ANKS1B: variants seen among roughly 807,000 people sequenced by gnomAD.
ANKS1B encodes ankyrin repeat and sterile alpha motif domain containing 1B.
A neutral mutation model predicts 148.3 loss-of-function variants in ANKS1B; 36 were observed. The observed-to-expected ratio is 0.24, with a 90% CI of 0.19 to 0.32. The LOEUF is 0.32. ANKS1B is among the 10% of genes least tolerant of loss of function. The probability of loss-of-function intolerance (pLI) is 1.00; values close to 1 mark genes in which losing one functional copy is unlikely to be tolerated. For synonymous variants in ANKS1B, 542 were observed against 560.8 expected (o/e 0.97, Z 0.47); for missense variants, 1,157 against 1,542.6 (o/e 0.75, Z 4.19).
At chr12:99,122,075 G>C (rs530829989) in intron 15 of ANKS1B, among the ~76,000 whole-genome samples, 1 of 152,308 alleles carries the variant, frequency 6.6e-6, no homozygotes, top group African/African-American at 2.4e-5. Context: ...ATGAGGGTTT[G>C]AGTGCCATTT....
Position 99,529,445 on chromosome 12 carries a change from G to A in ANKS1B, c.1273-24804C>T, listed in dbSNP as rs767192500. 8.3e-4 allele frequency among the ~76,000 whole-genome samples: 127 copies of A among 152,304 alleles called. 1 individual carries two copies. Among genetic ancestry groups the A allele is most frequent in the Non-Finnish European group, 1.6e-3 (109 of 68,034 alleles). The stretch of plus-strand genomic sequence containing the variant: ...AGATGGGCCGATCAGCTGAGGTCTG[G>A]AGTTCAAGACCAGCCTGGCCAACAT... On this transcript the variant is annotated intron_variant, in intron 9 of 26. Coordinates refer to ENST00000683438, the MANE Select transcript of ANKS1B (RefSeq NM_001352186.2).
Position 99,698,967 on chromosome 12 carries a change from TGTGTGG to T in ANKS1B, c.1129-43763_1129-43758del, listed in dbSNP as rs931165694. Reference sequence around the variant, plus strand: ...TCTTCCTACTGCTGTTCTGTGTGTGTGTGTGGGTGTGCACGCACGTGCGCAAGCACA... The same window carrying T: ...TCTTCCTACTGCTGTTCTGTGTGTGTGTGTGCACGCACGTGCGCAAGCACA... On this transcript the variant is annotated intron_variant, in intron 8 of 26. Transcript: ENST00000683438. 2.9e-3 allele frequency among the ~76,000 whole-genome samples: 419 copies of T among 142,948 alleles called. 3 individuals carry two copies. Among genetic ancestry groups the T allele is most frequent in the African/African-American group, 0.01 (392 of 38,128 alleles). 93.8% of individuals were successfully genotyped at this position (142,948 alleles called of 152,430 possible). A position where few individuals can be genotyped will look rare whatever the true frequency, so the allele number is the denominator to read the frequency against.
intron 12 of ANKS1B, among the ~76,000 whole-genome samples, chr12:99,387,603 A>AAAAGAAG (rs1555411884): frequency 6.6e-6 from 1 of 151,148 alleles, no homozygotes; most frequent in Admixed American, 6.6e-5. Flanking sequence ...CTCAAAAAAA[A>AAAAGAAG]AAGAAGAAGA....
chr12:98,800,922 A>C (rs1190271864), intron 21 of ANKS1B, 75 bp downstream of exon 21: 1 of 1,491,216 alleles, frequency 6.7e-7, no homozygotes, highest in East Asian at 2.3e-5. Context: ...TATATTTTCA[A>C]TGTAAATGCA....
chr12:99,974,552 C>G (rs1420807552), intron 1 of ANKS1B, among the ~76,000 whole-genome samples: 1 of 152,118 alleles, frequency 6.6e-6, no homozygotes, highest in African/African-American at 2.4e-5. Context: ...TGTCTCCAGT[C>G]AAATCCCTTC....
intron 17 of ANKS1B, among the ~76,000 whole-genome samples, chr12:99,050,858 A>ATTTTTT (rs576571213): frequency 4.2e-5 from 6 of 141,362 alleles, no homozygotes; most frequent in African/African-American, 1.5e-4. Flanking sequence ...CGCCCGGCTA[A>ATTTTTT]TTTTTTTTTT....
At chr12:99,156,931 G>T (rs1044748445) in intron 14 of ANKS1B, among the ~76,000 whole-genome samples, 6 of 152,126 alleles carry the variant, frequency 3.9e-5, no homozygotes, top group Non-Finnish European at 7.4e-5. Flanking sequence ...TTTAAAAAAA[G>T]TTTTAACTCT....
intron 12 of ANKS1B, among the ~76,000 whole-genome samples, chr12:99,334,306 C>A (rs191281465): frequency 2.3e-4 from 35 of 152,088 alleles, no homozygotes; most frequent in Non-Finnish European, 2.9e-5. Flanking sequence ...TCAAGACCCA[C>A]CAGGCCTCGA....
intron 12 of ANKS1B, among the ~76,000 whole-genome samples, chr12:99,262,644 T>A (rs2076040799): frequency 6.6e-6 from 1 of 151,936 alleles, no homozygotes; most frequent in Non-Finnish European, 1.5e-5. Flanking sequence ...TTTCCCCCAA[T>A]GAAAATAAGA....
intron 9 of ANKS1B, among the ~76,000 whole-genome samples, chr12:99,530,078 T>G (rs1162363071): frequency 6.6e-6 from 1 of 152,200 alleles, no homozygotes; most frequent in Non-Finnish European, 1.5e-5. Context: ...ATTGGTGTTG[T>G]AGCACAGAAG....
chr12:99,042,497 C>T (rs2099959717), intron 17 of ANKS1B, among the ~76,000 whole-genome samples: 1 of 152,164 alleles, frequency 6.6e-6, no homozygotes, highest in Admixed American at 6.5e-5. Flanking sequence ...GCCTAAATCG[C>T]TGACCCACAA....
Position 99,636,847 on chromosome 12 carries a change from TA to T in ANKS1B, c.1272+18219del, listed in dbSNP as rs539463430. ...TTCCAAATATGGCATCCACTAGTAA[TA>T]AGAATTTAATGTTTTAAAATACACT... On this transcript the variant is annotated intron_variant, in intron 9 of 26. Transcript: ENST00000683438. Among the ~76,000 whole-genome samples the T allele has an allele frequency of 1.5e-4, 23 of 152,312 alleles. No homozygotes were observed. In the South Asian group the frequency reaches 4.8e-3, roughly 32 times the overall value.
chr12:98,920,039 A>G (rs962462842), intron 17 of ANKS1B, among the ~76,000 whole-genome samples: 5 of 152,214 alleles, frequency 3.3e-5, no homozygotes, highest in African/African-American at 1.2e-4. Flanking sequence ...GGCTTAAACA[A>G]CAGACATTTG....
intron 9 of ANKS1B, among the ~76,000 whole-genome samples, chr12:99,560,935 C>T (rs1398109492): frequency 2.0e-5 from 3 of 150,538 alleles, no homozygotes; most frequent in South Asian, 2.1e-4. Flanking sequence ...CAAGCTCCGC[C>T]TCCTGGGTTC....
At position 99,956,355 on chromosome 12, in the gene ANKS1B, C is replaced by T. The variant is rs756344902; in HGVS notation, c.134+27749G>A. Among the ~76,000 whole-genome samples the T allele has an allele frequency of 4.0e-4, 60 of 151,214 alleles. 1 individual carries two copies. The highest frequency in any genetic ancestry group is 1.3e-4 in the Non-Finnish European group (9 of 67,870). On this transcript the variant is annotated intron_variant, in intron 1 of 26. Coordinates refer to ENST00000683438, the MANE Select transcript of ANKS1B (RefSeq NM_001352186.2). ...GATGGATAAATGAGAAACCAAATAT[C>T]AAACAAGTAAATTTTTTCTGGGGGT...
At chr12:98,800,921 A>G (rs2098999908) in intron 21 of ANKS1B, 76 bp downstream of exon 21, 2 of 1,485,590 alleles carry the variant, frequency 1.3e-6, no homozygotes, top group Non-Finnish European at 9.1e-7. Context: ...GTATATTTTC[A>G]ATGTAAATGC....
intron 12 of ANKS1B, among the ~76,000 whole-genome samples, chr12:99,290,080 AGATACTACAACT>A (rs757749406): frequency 6.6e-6 from 1 of 151,864 alleles, no homozygotes; most frequent in Non-Finnish European, 1.5e-5. Flanking sequence ...GTGAAAAAGG[AGATACTACAACT>A]GATACTCCAG....
chr12:99,881,853 C>T (rs927377357), intron 1 of ANKS1B, among the ~76,000 whole-genome samples: 5 of 152,154 alleles, frequency 3.3e-5, no homozygotes, highest in Non-Finnish European at 5.9e-5. Context: ...GTAAATAAGA[C>T]CCAGAGTCTC....
chr12:98,769,186 T>C (rs1487034899), intron 25 of ANKS1B, among the ~76,000 whole-genome samples: 3 of 138,740 alleles, frequency 2.2e-5, no homozygotes, highest in Admixed American at 1.4e-4. Context: ...TTTTTTTTTT[T>C]TTTTTTTTGC....
Sources: allele counts gnomAD v4.1 joint callset (sites outside exome capture counted in the v4.1 genomes callset), GRCh38; gene constraint gnomAD v4.1.1; transcripts MANE v1.5; gene names NCBI Gene and HGNC (gene_info 2026-07-23, HGNC 2026-07-21).